ACOXL: variants seen among roughly 807,000 people sequenced by gnomAD.
ACOXL encodes the protein acyl-CoA oxidase like.
In ACOXL, 70 loss-of-function variants were observed where a neutral mutation model predicts 71.9. The observed-to-expected ratio is 0.97, with a 90% CI of 0.80 to 1.19. The LOEUF (loss-of-function observed/expected upper bound fraction) is 1.19. Among genes scored for constraint, ACOXL ranks in the 50% most tolerant of loss-of-function variants. The pLI, the probability that ACOXL is intolerant of heterozygous loss-of-function variation, is 0.00. For synonymous variants in ACOXL, 253 were observed against 281.6 expected, an observed-to-expected ratio of 0.90 and a Z score of 1.02; for missense variants, 703 against 736.3, an observed-to-expected ratio of 0.95 and a Z score of 0.52.
chr2:111,083,356 A>G (rs1376323173), intron 16 of ACOXL, among the ~76,000 whole-genome samples: 1 of 152,148 alleles, frequency 6.6e-6, no homozygotes, highest in East Asian at 1.9e-4. Flanking sequence ...ATTCATAGTT[A>G]TAGTTTATTA....
chr2:110,845,951 A>C (rs1691786797), intron 10 of ACOXL, among the ~76,000 whole-genome samples: 1 of 152,176 alleles, frequency 6.6e-6, no homozygotes, highest in Non-Finnish European at 1.5e-5. Flanking sequence ...CATGCCCAGA[A>C]GTGGAATTCC....
At chr2:110,996,297 A>C (rs1015528615) in intron 14 of ACOXL, among the ~76,000 whole-genome samples, 1 of 152,162 alleles carries the variant, frequency 6.6e-6, no homozygotes, top group Non-Finnish European at 1.5e-5. Context: ...AAGTTGAAAA[A>C]TCATTGTTTT....
intron 12 of ACOXL, among the ~76,000 whole-genome samples, chr2:110,954,728 C>G (rs189085891): frequency 2.0e-5 from 3 of 152,180 alleles, no homozygotes; most frequent in African/African-American, 4.8e-5. Flanking sequence ...AGAGTTACCA[C>G]CTTTTACCAA....
At chr2:110,775,742 A>G (rs780820877) in intron 2 of ACOXL, among the ~76,000 whole-genome samples, 4 of 152,230 alleles carry the variant, frequency 2.6e-5, no homozygotes, top group Non-Finnish European at 5.9e-5. Flanking sequence ...ACAAAAAACC[A>G]GAAAAGAACA....
In ACOXL at chr2:111,103,253, C is replaced by T. The variant is rs113759960; in HGVS notation, c.1542+10287C>T. ...GGGGTTGCAGTGAGCCAAGATTGTG[C>T]CACTGCACTCCAGCCTGGGAGACAG... On this transcript the variant is annotated intron_variant, in intron 17 of 17. Transcript: ENST00000439055. Among the ~76,000 whole-genome samples the T allele has an allele frequency of 7.2e-5, 11 of 152,148 alleles. 3 individuals carry two copies. Among genetic ancestry groups the T allele is most frequent in the African/African-American group, 2.6e-4 (11 of 41,510 alleles).
At chr2:110,782,069 A>G (rs957143231) in intron 2 of ACOXL, among the ~76,000 whole-genome samples, 2 of 152,210 alleles carry the variant, frequency 1.3e-5, no homozygotes, top group Admixed American at 6.5e-5. Flanking sequence ...AAGCTGGGGT[A>G]TAGTACTCAT....
chr2:110,797,509 A>C (rs1685422103), intron 5 of ACOXL, among the ~76,000 whole-genome samples: 2 of 152,142 alleles, frequency 1.3e-5, no homozygotes, highest in South Asian at 4.1e-4. Context: ...TTGGGCTGCT[A>C]CTCTAAGCAG....
chr2:111,104,556 T>C (rs1399684631), intron 17 of ACOXL, among the ~76,000 whole-genome samples: 1 of 152,218 alleles, frequency 6.6e-6, no homozygotes, highest in Admixed American at 6.5e-5. Context: ...TATATTTCAT[T>C]GTAGCTTTAG....
chr2:111,092,039 T>A (rs968844686), intron 16 of ACOXL, among the ~76,000 whole-genome samples: 12 of 152,240 alleles, frequency 7.9e-5, no homozygotes, highest in African/African-American at 2.2e-4. Flanking sequence ...GAGGCTATCT[T>A]ACTTCTAATG....
intron 1 of ACOXL, among the ~76,000 whole-genome samples, chr2:110,756,936 T>C (rs1679780665): frequency 6.6e-6 from 1 of 152,204 alleles, no homozygotes; most frequent in African/African-American, 2.4e-5. Flanking sequence ...GTGCAGGATG[T>C]GCACATTTGT....
intron 10 of ACOXL, among the ~76,000 whole-genome samples, chr2:110,858,688 T>C (rs1455210291): frequency 2.6e-5 from 4 of 152,244 alleles, no homozygotes; most frequent in South Asian, 4.1e-4. Flanking sequence ...CTGGGCTGCG[T>C]TGCAAACACA....
intron 12 of ACOXL, among the ~76,000 whole-genome samples, chr2:110,948,703 T>TAAAA (rs5833377): frequency 4.2e-4 from 30 of 70,810 alleles, no homozygotes; most frequent in African/African-American, 1.5e-3. Flanking sequence ...CCAGAAGAAC[T>TAAAA]AAAAAAAAAA....
chr2:110,840,145 C>T (rs984529644), intron 9 of ACOXL, among the ~76,000 whole-genome samples: 4 of 152,078 alleles, frequency 2.6e-5, no homozygotes, highest in African/African-American at 4.8e-5. Flanking sequence ...TGCCCGCCAC[C>T]GCACCTGGCT....
intron 15 of ACOXL, among the ~76,000 whole-genome samples, chr2:111,033,737 G>A (rs938877313): frequency 1.3e-5 from 2 of 152,176 alleles, no homozygotes. Flanking sequence ...GATTGAAGGC[G>A]ACTGTGTCTT....
intron 14 of ACOXL, among the ~76,000 whole-genome samples, chr2:111,008,617 A>C (rs1318908550): frequency 6.6e-6 from 1 of 152,328 alleles, no homozygotes; most frequent in Non-Finnish European, 1.5e-5. Flanking sequence ...TGTTTGAATT[A>C]TATCTTCAGG....
chr2:110,743,408 A>AT (rs1013423833), intron 1 of ACOXL, among the ~76,000 whole-genome samples: 2 of 152,264 alleles, frequency 1.3e-5, no homozygotes, highest in Admixed American at 6.5e-5. Context: ...CAGTCCCTAC[A>AT]TTTTTTTCTA....
At chr2:110,794,937 G>A (rs1197082944) in intron 5 of ACOXL, among the ~76,000 whole-genome samples, 1 of 151,642 alleles carries the variant, frequency 6.6e-6, no homozygotes, top group East Asian at 1.9e-4. Flanking sequence ...ACTCCTACAC[G>A]CACCCCGCCC....
chr2:110,873,774 T>C (rs1695557399), intron 10 of ACOXL, among the ~76,000 whole-genome samples: 1 of 152,154 alleles, frequency 6.6e-6, no homozygotes, highest in African/African-American at 2.4e-5. Context: ...ATCTGTTCAA[T>C]TGCGTTTTCT....
intron 9 of ACOXL, among the ~76,000 whole-genome samples, chr2:110,809,690 T>C (rs937220172): frequency 1.3e-5 from 2 of 152,196 alleles, no homozygotes; most frequent in African/African-American, 4.8e-5. Flanking sequence ...AAATGGGTTA[T>C]TGCATCCTTG....
Sources: allele counts gnomAD v4.1 joint callset (sites outside exome capture counted in the v4.1 genomes callset), GRCh38; gene constraint gnomAD v4.1.1; transcripts MANE v1.5; gene names NCBI Gene and HGNC (gene_info 2026-07-23, HGNC 2026-07-21).